NOM1: variants seen among roughly 807,000 people sequenced by gnomAD.
The protein encoded by NOM1 is nucleolar protein with MIF4G domain 1.
Under a neutral mutation model 73.3 loss-of-function variants are expected in NOM1, and 58 were observed. The ratio of observed to expected loss-of-function variants is 0.79; its 90% confidence interval spans 0.64 to 0.99. NOM1 has a LOEUF of 0.99. NOM1 is among the 50% of genes least tolerant of loss of function. The pLI is 0.00. For synonymous variants in NOM1, 487 were observed against 446.8 expected, an observed-to-expected ratio of 1.09 and a Z score of -1.14; for missense variants, 1,226 against 1,131.9, an observed-to-expected ratio of 1.08 and a Z score of -1.19.
chr7:156,968,884 C>A, intron 9 of NOM1: 1 of 513,218 alleles, frequency 1.9e-6, no homozygotes, highest in East Asian at 3.4e-5. Flanking sequence ...GGCCACACCT[C>A]TGCCAGCAGT....
chr7:156,959,064 C>CA (rs1446430323), intron 3 of NOM1, among the ~76,000 whole-genome samples: 7 of 150,468 alleles, frequency 4.7e-5, no homozygotes, highest in Admixed American at 1.3e-4. Context: ...TAAAAATCTG[C>CA]AAAAAAATCT....
intron 7 of NOM1, 94 bp from the exon 8 acceptor site, chr7:156,966,176 C>A: frequency 6.6e-7 from 1 of 1,517,104 alleles, no homozygotes; most frequent in Non-Finnish European, 8.9e-7. Flanking sequence ...TCTAACCAGA[C>A]CCTTCCAGGC....
At chr7:156,961,011 C>T (rs778816403) in intron 4 of NOM1, among the ~76,000 whole-genome samples, 10 of 152,150 alleles carry the variant, frequency 6.6e-5, no homozygotes, top group Non-Finnish European at 1.3e-4. Context: ...GGATTTAGGA[C>T]AGGCACCTCC....
chr7:156,960,081 G>T lies in NOM1; in HGVS notation c.1539G>T (p.Leu513Phe). ...LLMLKNVGFS[L>F]RKDDALSLKE... Reference sequence around the variant, plus strand: ...TGCTGAAAAACGTGGGTTTTTCATTGAGGAAAGATGATGCTTTATCACTTA... The same window carrying T: ...TGCTGAAAAACGTGGGTTTTTCATTTAGGAAAGATGATGCTTTATCACTTA... The change falls in exon 4 of 11, where the codon TTG becomes TTT. Residue 513 changes from leucine to phenylalanine, a missense_variant. Coordinates refer to ENST00000275820, the MANE Select transcript of NOM1 (RefSeq NM_138400.2). The T allele has an allele frequency of 6.2e-7, 1 of 1,614,158 alleles. No individual in the cohort carries two copies. The highest frequency in any genetic ancestry group is 1.1e-5 in the South Asian group (1 of 91,076).
chr7:156,959,110 T>C (rs1008854398), intron 3 of NOM1, among the ~76,000 whole-genome samples: 6 of 151,648 alleles, frequency 4.0e-5, no homozygotes, highest in Admixed American at 1.3e-4. Flanking sequence ...GTGGAACTTT[T>C]TTTTTTTTTT....
chr7:156,951,942 G>A (rs1239207663), intron 1 of NOM1, among the ~76,000 whole-genome samples: 1 of 152,068 alleles, frequency 6.6e-6, no homozygotes, highest in Non-Finnish European at 1.5e-5. Context: ...TCCTGACCTC[G>A]TGATCCGCCC....
intron 1 of NOM1, among the ~76,000 whole-genome samples, chr7:156,951,613 A>T (rs11763730): frequency 0.19 from 28,790 of 152,072 alleles, 2,894 homozygotes; most frequent in East Asian, 0.29. Context: ...TAAACTACCT[A>T]GCAGTGAGGA....
intron 7 of NOM1, among the ~76,000 whole-genome samples, chr7:156,964,534 G>C (rs1804948267): frequency 6.6e-6 from 1 of 151,948 alleles, no homozygotes; most frequent in Admixed American, 6.6e-5. Context: ...CTTTAGCCCA[G>C]TAGTTCAAGA....
chr7:156,950,392 A>T lies in NOM1; in HGVS notation c.655A>T (p.Ile219Phe). Residue 219 changes from isoleucine to phenylalanine, a missense_variant, in exon 1 of 11, where the codon ATT becomes TTT. Ile to Phe is a conservative substitution (Grantham distance 21). Coordinates refer to ENST00000275820, the MANE Select transcript of NOM1 (RefSeq NM_138400.2). Reference sequence around the variant, plus strand: ...CTTTGCACGCGACGGTCTTGACTATATTCTGGGAGCCCTGGAGTCTGGGAA... The same window carrying T: ...CTTTGCACGCGACGGTCTTGACTATTTTCTGGGAGCCCTGGAGTCTGGGAA... ...LSFARDGLDY[I>F]LGALESGKNS... 5 of 1,614,234 alleles carry T rather than the reference A, an allele frequency of 3.1e-6. No individual in the cohort carries two copies. Among genetic ancestry groups the T allele is most frequent in the Non-Finnish European group, 4.2e-6 (5 of 1,180,034 alleles).
intron 4 of NOM1, among the ~76,000 whole-genome samples, chr7:156,961,819 G>A (rs1804869699): frequency 6.6e-6 from 1 of 152,142 alleles, no homozygotes; most frequent in Non-Finnish European, 1.5e-5. Flanking sequence ...GGGCCAGGGT[G>A]GGAGCAGGAG....
Position 156,959,994 on chromosome 7 carries a change from C to T in NOM1, c.1452C>T (p.Phe484=), listed in dbSNP as rs760370842. ...NFHVVQSLLI[F]DILKKLIGTF... Reference sequence around the variant, plus strand: ...ACGTGGTACAGTCTCTCCTCATCTTCGACATTTTGAAAAAACTGATTGGAA... The same window carrying T: ...ACGTGGTACAGTCTCTCCTCATCTTTGACATTTTGAAAAAACTGATTGGAA... Residue 484 remains phenylalanine (F), a synonymous_variant, in exon 4 of 11, where the codon TTC becomes TTT. Transcript: ENST00000275820. The T allele has an allele frequency of 2.1e-5, 34 of 1,613,930 alleles. No homozygotes were observed. Among genetic ancestry groups the T allele is most frequent in the Middle Eastern group, 1.6e-4 (1 of 6,084 alleles).
chr7:156,954,522 C>CT (rs34176770), intron 3 of NOM1, among the ~76,000 whole-genome samples: 5,253 of 101,594 alleles, frequency 0.052, 416 homozygotes, highest in East Asian at 0.23. Flanking sequence ...TCTGTCCATT[C>CT]TTTTTTTTTT....
chr7:156,960,765 T>C lies in NOM1; in HGVS notation c.1632+591T>C, dbSNP rs971940775. Among the ~76,000 whole-genome samples the C allele has an allele frequency of 3.3e-5, 5 of 152,298 alleles. No homozygotes were observed. In the South Asian group the frequency reaches 1.0e-3, roughly 32 times the overall value. The stretch of plus-strand genomic sequence containing the variant: ...GGGTTCCAGCAGGTGAATGACAGGT[T>C]GGAGTTTTCCTTCTGATGGTCACTT... On this transcript the variant is annotated intron_variant, in intron 4 of 10. Coordinates refer to ENST00000275820, the MANE Select transcript of NOM1 (RefSeq NM_138400.2).
intron 1 of NOM1, 63 bp downstream of exon 1, chr7:156,950,787 G>T (rs1804574193): frequency 7.1e-7 from 1 of 1,416,548 alleles, no homozygotes; most frequent in East Asian, 2.5e-5. Flanking sequence ...ACAGGGAATG[G>T]GGCGTGAGGC....
In NOM1 at chr7:156,971,099, G is replaced by A. The variant is rs1029461463; in HGVS notation, c.*1396G>A. On this transcript the variant is annotated 3_prime_UTR_variant, in exon 11 of 11. Coordinates refer to ENST00000275820, the MANE Select transcript of NOM1 (RefSeq NM_138400.2). Reference sequence around the variant, plus strand: ...CTGGGAGGAAGCAGAAATGTCCCTAGATAACAGCATGTATTGCAGATACCC... The same window carrying A: ...CTGGGAGGAAGCAGAAATGTCCCTAAATAACAGCATGTATTGCAGATACCC... 9.9e-5 allele frequency: 15 copies of A among 152,186 alleles called. No homozygotes were observed. The highest frequency in any genetic ancestry group is 9.8e-4 in the Admixed American group (15 of 15,272). The allele number at this position is 152,186 out of a possible 1,614,324, so 9.4% of individuals were successfully genotyped here.
At position 156,950,133 on chromosome 7, in the gene NOM1, A is replaced by G. The variant is rs775031274; in HGVS notation, c.396A>G (p.Pro132=). 5.1e-6 allele frequency: 8 copies of G among 1,569,016 alleles called. No homozygotes were observed. The South Asian group carries it at 9.1e-5, about 18-fold the overall frequency. ...HRQDTEERAR[P]APSRDPSPPR... ...AGGACACGGAGGAGCGCGCCCGCCC[A>G]GCCCCTAGTCGGGACCCCTCGCCTC... Residue 132 remains proline (P), a synonymous_variant, in exon 1 of 11, where the codon CCA becomes CCG. Transcript: ENST00000275820.
At chr7:156,953,058 T>A (rs1428532438) in intron 2 of NOM1, among the ~76,000 whole-genome samples, 1 of 152,234 alleles carries the variant, frequency 6.6e-6, no homozygotes, top group Admixed American at 6.5e-5. Flanking sequence ...CAGTTACACG[T>A]GCCCATCAGC....
chr7:156,968,108 G>T (rs796164288), intron 9 of NOM1, among the ~76,000 whole-genome samples: 17 of 152,282 alleles, frequency 1.1e-4, no homozygotes, highest in African/African-American at 3.9e-4. Flanking sequence ...TCCAAGTTTG[G>T]CCACTGTACT....
chr7:156,949,934 A>G lies in NOM1; in HGVS notation c.197A>G (p.Glu66Gly). The G allele has an allele frequency of 1.3e-6, 2 of 1,541,774 alleles. No individual in the cohort carries two copies. Among genetic ancestry groups the G allele is most frequent in the Non-Finnish European group, 1.7e-6 (2 of 1,145,814 alleles). The change falls in exon 1 of 11, where the codon GAG becomes GGG. Residue 66 changes from glutamate (E) to glycine (G), a missense_variant. Coordinates refer to ENST00000275820, the MANE Select transcript of NOM1 (RefSeq NM_138400.2). ...TSEGEAPGGC[E>G]GRGAPVSFRP... ...GAAGGCGAGGCTCCCGGGGGTTGCG[A>G]GGGGCGCGGCGCCCCGGTGAGCTTT... is the stretch of plus-strand genomic sequence containing the variant.
Sources: allele counts gnomAD v4.1 joint callset (sites outside exome capture counted in the v4.1 genomes callset), GRCh38; gene constraint gnomAD v4.1.1; transcripts MANE v1.5; gene names NCBI Gene and HGNC (gene_info 2026-07-23, HGNC 2026-07-21).